The following NAALADL2 variants were observed in gnomAD, a reference collection of about 807,000 sequenced individuals.
The protein encoded by NAALADL2 is N-acetylated alpha-linked acidic dipeptidase like 2.
A neutral mutation model predicts 87.2 loss-of-function variants in NAALADL2; 76 were observed. The ratio of observed to expected loss-of-function variants is 0.87; its 90% CI spans 0.72 to 1.05. The LOEUF (loss-of-function observed/expected upper bound fraction) is 1.05, where lower values mean the gene tolerates loss of function less well. Among genes scored for constraint, NAALADL2 ranks in the 50% least tolerant of loss-of-function variants. The pLI is 0.00. For synonymous variants in NAALADL2, 354 were observed against 331.0 expected (o/e 1.07, Z -0.75); for missense variants, 1,089 against 945.8 (o/e 1.15, Z -1.99).
chr3:175,676,353 A>G (rs1734777809), intron 11 of NAALADL2: 1 of 152,166 alleles, frequency 6.6e-6, no homozygotes, highest in South Asian at 2.1e-4. Flanking sequence ...CTGATAATTG[A>G]CGTGGATGAT....
In NAALADL2 at chr3:175,006,516, C is replaced by G. The variant is rs559621537; in HGVS notation, c.44-90274C>G. Among the ~76,000 whole-genome samples, 14 of 152,158 alleles carry G rather than the reference C, an allele frequency of 9.2e-5. No individual in the cohort carries two copies. In the South Asian group the frequency reaches 2.9e-3, roughly 32 times the overall value. On this transcript the variant is annotated intron_variant, in intron 1 of 13. Transcript: ENST00000454872. ...TGCAGAATGTTGTTTACTCCAGAAC[C>G]TTTTCAAGCTCTTTAAACCTACTTC...
At chr3:175,703,301 G>A (rs534414133) in intron 11 of NAALADL2, among the ~76,000 whole-genome samples, 2 of 152,250 alleles carry the variant, frequency 1.3e-5, no homozygotes, top group African/African-American at 4.8e-5. Flanking sequence ...AATACTTCAG[G>A]AAGTCTATCA....
intron 3 of NAALADL2, among the ~76,000 whole-genome samples, chr3:174,828,425 A>T (rs1469637669): frequency 6.6e-6 from 1 of 152,182 alleles, no homozygotes; most frequent in Non-Finnish European, 1.5e-5. Flanking sequence ...TTGTTCTCAC[A>T]TTAATTGAGG....
At chr3:174,909,012 A>G (rs1251923454) in intron 1 of NAALADL2, among the ~76,000 whole-genome samples, 1 of 151,936 alleles carries the variant, frequency 6.6e-6, no homozygotes, top group Non-Finnish European at 1.5e-5. Flanking sequence ...TACTCAGAAA[A>G]AAAAAAAAAG....
intron 9 of NAALADL2, among the ~76,000 whole-genome samples, chr3:175,534,518 T>C (rs1734537140): frequency 6.6e-6 from 1 of 152,204 alleles, no homozygotes; most frequent in South Asian, 2.1e-4. Flanking sequence ...CAAATGATGC[T>C]GGTGACGTAA....
At chr3:175,729,778 T>TTTG (rs1553960950) in intron 11 of NAALADL2, among the ~76,000 whole-genome samples, 5 of 150,896 alleles carry the variant, frequency 3.3e-5, no homozygotes, top group African/African-American at 1.2e-4. Flanking sequence ...GTTTTTTTTT[T>TTTG]TTTTTTCACA....
At chr3:174,987,461 T>A (rs112195284) in intron 1 of NAALADL2, among the ~76,000 whole-genome samples, 1 of 139,220 alleles carries the variant, frequency 7.2e-6, no homozygotes, top group Admixed American at 7.4e-5. Context: ...CCCAGCTACT[T>A]GGGAGGCTGA....
chr3:174,669,712 G>A (rs966934950), intron 2 of NAALADL2, among the ~76,000 whole-genome samples: 1 of 151,872 alleles, frequency 6.6e-6, no homozygotes, highest in Non-Finnish European at 1.5e-5. Context: ...GATTGTTTCC[G>A]TTATTTGGGG....
At chr3:175,036,824 T>TC (rs1195908035) in intron 1 of NAALADL2, among the ~76,000 whole-genome samples, 1 of 148,126 alleles carries the variant, frequency 6.8e-6, no homozygotes, top group East Asian at 1.9e-4. Context: ...TTTTTTTTTT[T>TC]AGCGTTCCTA....
chr3:175,671,536 C>T (rs1485290725), intron 11 of NAALADL2, among the ~76,000 whole-genome samples: 2 of 151,870 alleles, frequency 1.3e-5, no homozygotes, highest in Non-Finnish European at 2.9e-5. Context: ...ATATTTGTTT[C>T]TTGTTTGCCC....
chr3:175,433,392 CT>C (rs1232371312), intron 5 of NAALADL2, among the ~76,000 whole-genome samples: 1 of 152,004 alleles, frequency 6.6e-6, no homozygotes, highest in East Asian at 1.9e-4. Flanking sequence ...ATAATCTAGA[CT>C]TTTGTTCAAG....
At chr3:175,442,673 G>GTAT (rs1342136840) in intron 5 of NAALADL2, among the ~76,000 whole-genome samples, 2 of 152,190 alleles carry the variant, frequency 1.3e-5, no homozygotes, top group Non-Finnish European at 2.9e-5. Flanking sequence ...ATGTAGCATT[G>GTAT]AATCAGGGAT....
At chr3:175,765,369 A>G (rs538719415) in intron 13 of NAALADL2, among the ~76,000 whole-genome samples, 1 of 152,232 alleles carries the variant, frequency 6.6e-6, no homozygotes, top group African/African-American at 2.4e-5. Context: ...CCAAATTTTA[A>G]GAAAAACCAG....
chr3:175,169,988 T>G (rs1363866228), intron 2 of NAALADL2, among the ~76,000 whole-genome samples: 1 of 151,848 alleles, frequency 6.6e-6, no homozygotes, highest in Non-Finnish European at 1.5e-5. Context: ...TTTTACAACC[T>G]GTTTGGGTTG....
chr3:174,771,461 A>T (rs1034035716), intron 3 of NAALADL2, among the ~76,000 whole-genome samples: 1 of 152,152 alleles, frequency 6.6e-6, no homozygotes, highest in East Asian at 1.9e-4. Context: ...AGGGAGGGTA[A>T]TGTGCTGAGG....
chr3:175,300,520 G>T (rs906234236), intron 4 of NAALADL2, among the ~76,000 whole-genome samples: 1 of 152,028 alleles, frequency 6.6e-6, no homozygotes, highest in Non-Finnish European at 1.5e-5. Flanking sequence ...TCTTGGGAGG[G>T]TGTATGTGTC....
At chr3:174,933,675 T>C (rs1443436123) in intron 1 of NAALADL2, among the ~76,000 whole-genome samples, 2 of 152,222 alleles carry the variant, frequency 1.3e-5, no homozygotes, top group East Asian at 3.8e-4. Context: ...AGTAACCATT[T>C]TGCTGTATGA....
At chr3:175,358,612 T>C (rs1194404974) in intron 5 of NAALADL2, among the ~76,000 whole-genome samples, 3 of 152,186 alleles carry the variant, frequency 2.0e-5, no homozygotes, top group Non-Finnish European at 4.4e-5. Flanking sequence ...AGAAATGTTT[T>C]AATGTTTTTC....
At position 174,703,132 on chromosome 3, in the gene NAALADL2, A is replaced by G. The variant is rs555858223; in HGVS notation, c.-114-34509A>G. Among the ~76,000 whole-genome samples, 540 of 152,242 alleles carry G rather than the reference A, an allele frequency of 3.5e-3. 4 individuals carry two copies. The highest frequency in any genetic ancestry group is 0.013 in the African/African-American group (524 of 41,544). ...GATTTTTTAAGGCTTTTAATCTTTTAATTTAATGTAATTTAATTATTTTTA... is the reference window on the plus strand; with the variant it reads ...GATTTTTTAAGGCTTTTAATCTTTTGATTTAATGTAATTTAATTATTTTTA... On this transcript the variant is annotated intron_variant, in intron 2 of 3. Transcript: ENST00000434257.
Sources: gnomAD v4.1 joint callset for allele counts (sites outside exome capture counted in the v4.1 genomes callset) on GRCh38, gnomAD v4.1.1 for gene constraint, MANE v1.5 for transcripts, NCBI Gene and HGNC (gene_info 2026-07-23, HGNC 2026-07-21) for gene names.